Variants in ZNF335 observed in about 807,000 individuals in gnomAD.
The protein encoded by ZNF335 is NRC-interacting factor 1.
ZNF335 carries 84 observed loss-of-function variants against 145.6 expected under a neutral mutation model. The observed-to-expected ratio is 0.58, with a 90% confidence interval of 0.48 to 0.69. The LOEUF (loss-of-function observed/expected upper bound fraction) is 0.69. Ranked by LOEUF, ZNF335 falls within the 30% of genes least tolerant of loss-of-function variation. The pLI, the probability that ZNF335 is intolerant of heterozygous loss-of-function variation, is 0.00. For synonymous variants in ZNF335, 761 were observed against 717.0 expected, an observed-to-expected ratio of 1.06 and a Z score of -0.98; for missense variants, 1,865 against 1,809.7, an observed-to-expected ratio of 1.03 and a Z score of -0.55.
intron 2 of ZNF335, 51 bp from the exon 3 acceptor site, chr20:45,969,742 C>T: frequency 1.3e-6 from 2 of 1,586,316 alleles, no homozygotes; most frequent in Non-Finnish European, 1.7e-6. Flanking sequence ...GGGTATGGGG[C>T]AGGGCAGCCT....
chr20:45,971,975 G>C, intron 1 of ZNF335, 147 bp downstream of exon 1: 1 of 1,166,726 alleles, frequency 8.6e-7, no homozygotes, highest in Non-Finnish European at 1.1e-6. Flanking sequence ...GCTCAGGCAA[G>C]TGCGAGAGCG....
Position 45,952,237 on chromosome 20 carries a change from C to T in ZNF335, c.3099G>A (p.Glu1033=). Residue 1033 remains glutamate (E), a synonymous_variant, in exon 20 of 28, where the codon GAG becomes GAA. Coordinates refer to ENST00000322927, the MANE Select transcript of ZNF335 (RefSeq NM_022095.4). ...CGTGGGCCCGCTTGTGACTCTCCATCTCAGCTCGGCCAGGGAAGGCCTCGG... is the reference window on the plus strand; with the variant it reads ...CGTGGGCCCGCTTGTGACTCTCCATTTCAGCTCGGCCAGGGAAGGCCTCGG... ...ICAEAFPGRA[E]MESHKRAHAG... 5 of 1,613,300 alleles carry T rather than the reference C, an allele frequency of 3.1e-6. No homozygotes were observed. The highest frequency in any genetic ancestry group is 3.4e-6 in the Non-Finnish European group (4 of 1,180,016).
chr20:45,956,035 A>G (rs1346481267), intron 17 of ZNF335, among the ~76,000 whole-genome samples: 11 of 152,092 alleles, frequency 7.2e-5, no homozygotes, highest in African/African-American at 2.4e-4. Flanking sequence ...GCTGTTAGGT[A>G]AAAGATGACG....
intron 1 of ZNF335, 125 bp from the exon 2 acceptor site, chr20:45,971,585 G>A: frequency 1.0e-5 from 15 of 1,446,664 alleles, no homozygotes; most frequent in Non-Finnish European, 1.4e-5. Context: ...CGACGGGGCG[G>A]AGCTTCCTGG....
intron 22 of ZNF335, 39 bp downstream of exon 22, chr20:45,950,180 T>C: frequency 6.4e-7 from 1 of 1,565,380 alleles, no homozygotes; most frequent in South Asian, 1.2e-5. Flanking sequence ...TCTCTGGATC[T>C]ACCCTGTTGC....
intron 20 of ZNF335, 54 bp downstream of exon 20, chr20:45,952,093 C>T: frequency 6.5e-7 from 1 of 1,534,662 alleles, no homozygotes; most frequent in African/African-American, 1.4e-5. Context: ...GTTTGTTATA[C>T]AAACGAGTAG....
Position 45,950,210 on chromosome 20 carries a change from G to A in ZNF335, c.3487+9C>T, listed in dbSNP as rs2083604739. On this transcript the variant is annotated intron_variant, in intron 22 of 27. Coordinates refer to ENST00000322927, the MANE Select transcript of ZNF335 (RefSeq NM_022095.4). ...TGTTGCCCACCCTGTGGCCCCAGGG[G>A]CAGCTCACTGTGCAGGGTGGCCAGT... 3 of 1,551,480 alleles carry A rather than the reference G, an allele frequency of 1.9e-6. No individual in the cohort carries two copies. The highest frequency in any genetic ancestry group is 2.3e-5 in the East Asian group (1 of 44,370).
chr20:45,971,937 C>A (rs943724754), intron 1 of ZNF335, 185 bp downstream of exon 1: 5 of 985,330 alleles, frequency 5.1e-6, no homozygotes, highest in Non-Finnish European at 6.0e-6. Context: ...CCAGGCCCGA[C>A]GCCATCTTGT....
rs758598431 is a variant in ZNF335 at position 45,971,253 on chromosome 20, T to A, written c.158A>T (p.Asp53Val). Residue 53 changes from aspartate to valine, a missense_variant, in exon 2 of 28, where the codon GAC becomes GTC. By Grantham distance (152) the Asp-to-Val change is radical. Coordinates refer to ENST00000322927, the MANE Select transcript of ZNF335 (RefSeq NM_022095.4). Reference sequence around the variant, plus strand: ...GTCCGAGCTTTGCCCCACGCCAGAGTCATCGGCCTCTGCCTGCCCCGGGGC... The same window carrying A: ...GTCCGAGCTTTGCCCCACGCCAGAGACATCGGCCTCTGCCTGCCCCGGGGC... The part of the protein sequence containing the change: ...AAAPGQAEAD[D>V]SGVGQSSDRG... 2 of 1,558,392 alleles carry A rather than the reference T, an allele frequency of 1.3e-6. No individual in the cohort carries two copies. Among genetic ancestry groups the A allele is most frequent in the Non-Finnish European group, 1.7e-6 (2 of 1,156,558 alleles).
Position 45,952,505 on chromosome 20 carries a change from G to C in ZNF335, c.2831C>G (p.Ser944Cys). Residue 944 changes from serine (S) to cysteine (C), a missense_variant, in exon 20 of 28, where the codon TCC becomes TGC. By Grantham distance (112) the Ser-to-Cys change is moderately radical. Coordinates refer to ENST00000322927, the MANE Select transcript of ZNF335 (RefSeq NM_022095.4). ...AGCATCTGGACTTGGGAAGGAGATG[G>C]AGCCATCTGCGGTGAGCTGTAGAGA... Reference protein sequence around the residue: ...LHHIELTADGSISFPSPDALA... With the variant: ...LHHIELTADGCISFPSPDALA... 1 of 1,573,800 alleles carries C rather than the reference G, an allele frequency of 6.4e-7. No individual in the cohort carries two copies. The highest frequency in any genetic ancestry group is 8.7e-7 in the Non-Finnish European group (1 of 1,155,894).
In ZNF335 at chr20:45,960,311, G is replaced by C. The variant is rs780100800; in HGVS notation, c.1917C>G (p.His639Gln). The change falls in exon 14 of 28, where the codon CAC (histidine) becomes CAG (glutamine). Residue 639 changes from histidine to glutamine, a missense_variant. Coordinates refer to ENST00000322927, the MANE Select transcript of ZNF335 (RefSeq NM_022095.4). ...VCEDKKALLN[H>Q]QLSHVSDKPF... Reference sequence around the variant, plus strand: ...GCTTGTCACTGACGTGGGACAACTGGTGGTTCAGCAGTGCCTTCTTGTCTT... The same window carrying C: ...GCTTGTCACTGACGTGGGACAACTGCTGGTTCAGCAGTGCCTTCTTGTCTT... The C allele has an allele frequency of 3.1e-6, 5 of 1,614,090 alleles. No individual in the cohort carries two copies. The African/African-American group carries it at 6.7e-5, about 22-fold the overall frequency.
chr20:45,958,688 C>CCA (rs745623154), intron 15 of ZNF335, among the ~76,000 whole-genome samples: 5 of 152,184 alleles, frequency 3.3e-5, no homozygotes, highest in Non-Finnish European at 5.9e-5. Context: ...TAAAGTGTGG[C>CCA]CACATGACTA....
At chr20:45,950,842 A>G (rs548343052) in intron 20 of ZNF335, among the ~76,000 whole-genome samples, 1 of 152,156 alleles carries the variant, frequency 6.6e-6, no homozygotes, top group African/African-American at 2.4e-5. Flanking sequence ...CACTTTACCC[A>G]TATGTAACAC....
At chr20:45,950,736 G>T (rs1242331527) in intron 20 of ZNF335, 141 bp from the exon 21 acceptor site, 9 of 1,138,276 alleles carry the variant, frequency 7.9e-6, no homozygotes, top group African/African-American at 1.5e-5. Flanking sequence ...ACAAGAAGCT[G>T]GGTAGAAAGG....
At chr20:45,971,088 TG>T in intron 2 of ZNF335, 121 bp downstream of exon 2, 2 of 1,410,684 alleles carry the variant, frequency 1.4e-6, no homozygotes, top group Non-Finnish European at 1.9e-6. Context: ...GCTTGGTGCC[TG>T]GCTCACAGTA....
Position 45,952,124 on chromosome 20 carries a change from A to G in ZNF335, c.3189+23T>C, listed in dbSNP as rs751503332. ...AGTAGCCCAATGAATGACAGCAGAG[A>G]CACAGGAGCAACCAGCACCTACCCG... On this transcript the variant is annotated intron_variant, in intron 20 of 27. Transcript: ENST00000322927. 3.2e-6 allele frequency: 5 copies of G among 1,566,780 alleles called. No homozygotes were observed. In the Admixed American group the frequency reaches 7.5e-5, roughly 23 times the overall value.
intron 20 of ZNF335, 139 bp from the exon 21 acceptor site, chr20:45,950,734 C>G: frequency 8.2e-7 from 1 of 1,214,842 alleles, no homozygotes; most frequent in Non-Finnish European, 1.2e-6. Context: ...TAACAAGAAG[C>G]TGGGTAGAAA....
chr20:45,959,526 G>T, intron 14 of ZNF335, 93 bp from the exon 15 acceptor site: 1 of 964,008 alleles, frequency 1.0e-6, no homozygotes, highest in Non-Finnish European at 1.4e-6. Context: ...CTCTCCAACT[G>T]ACTGACTTCC....
In ZNF335 at chr20:45,960,994, C is replaced by T. The variant is rs1305577466; in HGVS notation, c.1647-112G>A. The T allele has an allele frequency of 2.1e-6, 3 of 1,445,180 alleles. No individual in the cohort carries two copies. In the African/African-American group the frequency reaches 4.2e-5, roughly 20 times the overall value. The allele number at this position is 1,445,180 out of a possible 1,614,324, so 89.5% of individuals were successfully genotyped here. ...ATGAGCCTACTCCCTGCCAAGGCCC[C>T]TTTCTCTTAGAATAGTGCTTCCCCA... is the stretch of plus-strand genomic sequence containing the variant. On this transcript the variant is annotated intron_variant, in intron 10 of 27. Transcript: ENST00000322927.
Sources: allele counts gnomAD v4.1 joint callset (sites outside exome capture counted in the v4.1 genomes callset), GRCh38; gene constraint gnomAD v4.1.1; transcripts MANE v1.5; gene names NCBI Gene and HGNC (gene_info 2026-07-23, HGNC 2026-07-21).